Variants in PKHD1L1 observed in about 807,000 individuals in gnomAD.
The protein encoded by PKHD1L1 is fibrocystin-L.
PKHD1L1 carries 434 observed loss-of-function variants against 462.9 expected under a neutral mutation model. That is an observed-to-expected ratio of 0.94 (90% CI 0.87 to 1.02). PKHD1L1 has a LOEUF of 1.02. PKHD1L1 is among the 50% of genes least tolerant of loss of function. The pLI, the probability that PKHD1L1 is intolerant of heterozygous loss-of-function variation, is 0.00. For missense variants in PKHD1L1, 5,202 were observed against 5,096.1 expected, an observed-to-expected ratio of 1.02 and a Z score of -0.63; for synonymous variants, 1,781 against 1,750.0, an observed-to-expected ratio of 1.02 and a Z score of -0.44.
rs767759336 is a variant in PKHD1L1 at position 109,486,694 on chromosome 8, A to T, written c.9753A>T (p.Ala3251=). Residue 3251 remains alanine, a synonymous_variant, in exon 59 of 78, where the codon GCA becomes GCT. Coordinates refer to ENST00000378402, the MANE Select transcript of PKHD1L1 (RefSeq NM_177531.6). ...GAACTGGTGAGAGCTACACGTTAGCAGCTGATGTTGGGATACTGAGTAGGA... is the reference window on the plus strand; with the variant it reads ...GAACTGGTGAGAGCTACACGTTAGCTGCTGATGTTGGGATACTGAGTAGGA... The part of the protein sequence containing the change: ...VPGTGESYTL[A]ADVGILSRNI... 9 of 1,612,452 alleles carry T rather than the reference A, an allele frequency of 5.6e-6. No homozygotes were observed. In the South Asian group the frequency reaches 9.9e-5, roughly 18 times the overall value.
intron 14 of PKHD1L1, 109 bp from the exon 15 acceptor site, chr8:109,404,445 C>A: frequency 1.6e-6 from 1 of 623,582 alleles, no homozygotes; most frequent in Non-Finnish European, 2.4e-6. Flanking sequence ...CAATATAAGT[C>A]ATTTAACAGG....
chr8:109,472,130 T>G lies in PKHD1L1; in HGVS notation c.8606-2988T>G, dbSNP rs1184485373. Among the ~76,000 whole-genome samples, 5 of 152,098 alleles carry G rather than the reference T, an allele frequency of 3.3e-5. No homozygotes were observed. In the South Asian group the frequency reaches 1.0e-3, roughly 32 times the overall value. On this transcript the variant is annotated intron_variant, in intron 50 of 77. Transcript: ENST00000378402. The stretch of plus-strand genomic sequence containing the variant: ...TTAGACTTGTGCGCATGGAAGTAAT[T>G]AAGGTACATCATATTGTAGTTTAAA...
In PKHD1L1 at chr8:109,530,629, T is replaced by G. The variant is rs1821018403; in HGVS notation, c.*539T>G. 6.6e-6 allele frequency among the ~76,000 whole-genome samples: 1 copy of G among 152,126 alleles called. No individual in the cohort carries two copies. Among genetic ancestry groups the G allele is most frequent in the Non-Finnish European group, 1.5e-5 (1 of 68,008 alleles). On this transcript the variant is annotated 3_prime_UTR_variant, in exon 78 of 78. Transcript: ENST00000378402. Reference sequence around the variant, plus strand: ...GATTTTTCACACTGAGTTCCTGTCTTTCAGATTCACAGTAATCCCAGGAAT... The same window carrying G: ...GATTTTTCACACTGAGTTCCTGTCTGTCAGATTCACAGTAATCCCAGGAAT...
In PKHD1L1 at chr8:109,465,731, TAA is replaced by T. The variant is rs529374263; in HGVS notation, c.8413+487_8413+488del. 1.6e-3 allele frequency among the ~76,000 whole-genome samples: 249 copies of T among 152,262 alleles called. 2 individuals are homozygous for T. The highest frequency in any genetic ancestry group is 6.8e-3 in the Middle Eastern group (2 of 294). ...GCGAAAATACTTTTAAGAGAAGAAA[TAA>T]GTCACAAACCAGCTGTGAACCCTTT... On this transcript the variant is annotated intron_variant, in intron 49 of 77. Coordinates refer to ENST00000378402, the MANE Select transcript of PKHD1L1 (RefSeq NM_177531.6).
At position 109,441,990 on chromosome 8, in the gene PKHD1L1, T is replaced by A. The variant is rs759960482; in HGVS notation, c.4205-17T>A. On this transcript the variant is annotated splice_polypyrimidine_tract_variant and intron_variant, in intron 34 of 77. Coordinates refer to ENST00000378402, the MANE Select transcript of PKHD1L1 (RefSeq NM_177531.6). Reference sequence around the variant, plus strand: ...TTCTCTTTTTCTTTTAAAATATTACTCAATTCTTGCCCCCAGTACATGGAT... The same window carrying A: ...TTCTCTTTTTCTTTTAAAATATTACACAATTCTTGCCCCCAGTACATGGAT... 28 of 1,535,590 alleles carry A rather than the reference T, an allele frequency of 1.8e-5. No individual in the cohort carries two copies. Among genetic ancestry groups the A allele is most frequent in the Non-Finnish European group, 2.4e-5 (28 of 1,145,652 alleles).
chr8:109,534,977 A>G lies in PKHD1L1; in HGVS notation c.*4887A>G, dbSNP rs1821116361. 6.6e-6 allele frequency among the ~76,000 whole-genome samples: 1 copy of G among 152,090 alleles called. No individual in the cohort carries two copies. Among genetic ancestry groups the G allele is most frequent in the South Asian group, 2.1e-4 (1 of 4,832 alleles). ...AAAGTGCTTAGCACACACTCTGCCCATGGTAAGTGTTAAATAAACTTTCTG... is the reference window on the plus strand; with the variant it reads ...AAAGTGCTTAGCACACACTCTGCCCGTGGTAAGTGTTAAATAAACTTTCTG... On this transcript the variant is annotated 3_prime_UTR_variant, in exon 78 of 78. Coordinates refer to ENST00000378402, the MANE Select transcript of PKHD1L1 (RefSeq NM_177531.6).
chr8:109,384,202 A>G (rs1812313919), intron 5 of PKHD1L1, 75 bp downstream of exon 5: 2 of 1,125,008 alleles, frequency 1.8e-6, no homozygotes, highest in Non-Finnish European at 1.3e-6. Flanking sequence ...ATATGAAATT[A>G]GTATAATTCC....
intron 25 of PKHD1L1, 83 bp from the exon 26 acceptor site, chr8:109,429,257 C>A (rs1047711011): frequency 6.1e-5 from 71 of 1,171,942 alleles, no homozygotes; most frequent in Non-Finnish European, 8.0e-5. Context: ...TTCACCTTTG[C>A]CTATGCTGAA....
Position 109,534,446 on chromosome 8 carries a change from G to C in PKHD1L1, c.*4356G>C, listed in dbSNP as rs1586678776. ...CCACTGCACTCCAGCCTGGGTGACA[G>C]AGCGAGACACATCTCAAAAAAAAAA... On this transcript the variant is annotated 3_prime_UTR_variant, in exon 78 of 78. Transcript: ENST00000378402. Among the ~76,000 whole-genome samples, 3 of 151,988 alleles carry C rather than the reference G, an allele frequency of 2.0e-5. No homozygotes were observed. In the South Asian group the frequency reaches 6.2e-4, roughly 32 times the overall value.
intron 1 of PKHD1L1, among the ~76,000 whole-genome samples, chr8:109,363,989 C>A (rs1396730962): frequency 6.6e-6 from 1 of 152,126 alleles, no homozygotes; most frequent in African/African-American, 2.4e-5. Flanking sequence ...GAATTAGTGA[C>A]CTTTATATTA....
intron 9 of PKHD1L1, among the ~76,000 whole-genome samples, chr8:109,393,626 A>G (rs1194526414): frequency 2.6e-5 from 4 of 152,170 alleles, no homozygotes; most frequent in African/African-American, 9.7e-5. Context: ...TCTGGACTCA[A>G]ACTGCCTGGG....
intron 59 of PKHD1L1, among the ~76,000 whole-genome samples, chr8:109,489,005 T>A (rs1341785710): frequency 6.6e-6 from 1 of 151,986 alleles, no homozygotes; most frequent in Non-Finnish European, 1.5e-5. Context: ...CTTGCTCCTA[T>A]AAATTGTTTT....
Position 109,401,604 on chromosome 8 carries a change from G to A in PKHD1L1, c.1373+16G>A. 1 of 1,343,410 alleles carries A rather than the reference G, an allele frequency of 7.4e-7. No homozygotes were observed. The highest frequency in any genetic ancestry group is 1.1e-6 in the Non-Finnish European group (1 of 945,390). The allele number at this position is 1,343,410 out of a possible 1,614,324, so 83.2% of individuals were successfully genotyped here. ...AAGGAAAAGAGTAAGGCTTTTTCCT[G>A]TCATTAAATTACTGTGTGGTATTTA... On this transcript the variant is annotated intron_variant, in intron 14 of 77. Transcript: ENST00000378402.
chr8:109,457,497 C>T (rs1384400431), intron 46 of PKHD1L1, among the ~76,000 whole-genome samples: 1 of 152,018 alleles, frequency 6.6e-6, no homozygotes, highest in Non-Finnish European at 1.5e-5. Flanking sequence ...TCTAATTGTT[C>T]ACTGTGTCAT....
chr8:109,482,848 CAG>C lies in PKHD1L1; in HGVS notation c.9458-134_9458-133del, dbSNP rs901526029. ...CCACGTCTTCTTACATGGTTCCAAG[CAG>C]AGAGCACCAATTCATTCCTTTTGTT... On this transcript the variant is annotated intron_variant, in intron 56 of 77. Coordinates refer to ENST00000378402, the MANE Select transcript of PKHD1L1 (RefSeq NM_177531.6). 114 of 533,444 alleles carry C rather than the reference CAG, an allele frequency of 2.1e-4. 1 individual carries two copies. The highest frequency in any genetic ancestry group is 1.9e-3 in the African/African-American group (95 of 49,920). 33.0% of individuals were successfully genotyped at this position (533,444 alleles called of 1,614,324 possible).
intron 57 of PKHD1L1, among the ~76,000 whole-genome samples, chr8:109,484,196 T>A (rs571570267): frequency 8.6e-5 from 13 of 152,038 alleles, no homozygotes; most frequent in Admixed American, 7.9e-4. Flanking sequence ...TATGTTTTTA[T>A]TTGTGATAGT....
intron 63 of PKHD1L1, 40 bp downstream of exon 63, chr8:109,493,791 A>C: frequency 7.5e-7 from 1 of 1,340,850 alleles, no homozygotes; most frequent in Non-Finnish European, 1.0e-6. Flanking sequence ...ACTAGGAAAT[A>C]ACTTGTACAA....
chr8:109,383,218 TTA>T (rs1421875478), intron 4 of PKHD1L1, among the ~76,000 whole-genome samples: 2 of 88,316 alleles, frequency 2.3e-5, no homozygotes, highest in East Asian at 5.6e-4. Context: ...TATAATATAA[TTA>T]TATATTATAT....
chr8:109,523,782 G>C (rs1820682071), intron 76 of PKHD1L1, among the ~76,000 whole-genome samples: 1 of 152,122 alleles, frequency 6.6e-6, no homozygotes, highest in South Asian at 2.1e-4. Context: ...TAGAAAGTTG[G>C]CTGTGGTCTT....
Sources: allele counts gnomAD v4.1 joint callset (sites outside exome capture counted in the v4.1 genomes callset), GRCh38; gene constraint gnomAD v4.1.1; transcripts MANE v1.5; gene names NCBI Gene and HGNC (gene_info 2026-07-23, HGNC 2026-07-21).